Variants in PTCHD4 observed in about 807,000 individuals in gnomAD.
The protein encoded by PTCHD4 is patched domain-containing protein 4.
Under a neutral mutation model 58.1 loss-of-function variants are expected in PTCHD4, and 33 were observed. That is an observed-to-expected ratio of 0.57 (90% CI 0.43 to 0.76). The LOEUF (loss-of-function observed/expected upper bound fraction) is 0.76, where lower values mean the gene tolerates loss of function less well. Among genes scored for constraint, PTCHD4 ranks in the 30% least tolerant of loss-of-function variants. PTCHD4 has a pLI of 0.00. For synonymous variants in PTCHD4, 478 were observed against 409.6 expected (o/e 1.17, Z -2.02); for missense variants, 1,058 against 1,027.1 (o/e 1.03, Z -0.41).
intron 3 of PTCHD4, among the ~76,000 whole-genome samples, chr6:48,049,778 T>G (rs1365261510): frequency 1.3e-5 from 2 of 151,982 alleles, no homozygotes; most frequent in Non-Finnish European, 2.9e-5. Flanking sequence ...TTCATACTGC[T>G]TTGGTAACAC....
intron 4 of PTCHD4, among the ~76,000 whole-genome samples, chr6:47,960,990 G>A (rs1767067320): frequency 6.8e-6 from 1 of 147,010 alleles, no homozygotes; most frequent in Non-Finnish European, 1.5e-5. Flanking sequence ...AAGAGACAGT[G>A]TCTTGCTCTG....
intron 3 of PTCHD4, among the ~76,000 whole-genome samples, chr6:48,025,231 G>T (rs773976988): frequency 6.6e-6 from 1 of 152,112 alleles, no homozygotes; most frequent in Non-Finnish European, 1.5e-5. Context: ...CCCGTGGATG[G>T]TAGATATCTT....
At chr6:47,977,990 C>T (rs1003772497) in intron 4 of PTCHD4, among the ~76,000 whole-genome samples, 25 of 152,244 alleles carry the variant, frequency 1.6e-4, no homozygotes, top group African/African-American at 6.0e-4. Flanking sequence ...AATCCTGTGA[C>T]CTAGGAAACT....
chr6:48,055,227 T>C (rs938951626), intron 3 of PTCHD4, among the ~76,000 whole-genome samples: 1 of 152,084 alleles, frequency 6.6e-6, no homozygotes, highest in African/African-American at 2.4e-5. Context: ...TGCTTATAAG[T>C]TTATGATAAA....
intron 3 of PTCHD4, among the ~76,000 whole-genome samples, chr6:48,066,456 T>C: frequency 6.6e-6 from 1 of 152,010 alleles, no homozygotes; most frequent in East Asian, 1.9e-4. Context: ...CCAACTGAAG[T>C]TTATATATGA....
intron 4 of PTCHD4, among the ~76,000 whole-genome samples, chr6:47,908,950 G>A (rs78808931): frequency 0.013 from 1,923 of 152,088 alleles, 40 homozygotes; most frequent in African/African-American, 0.043. Flanking sequence ...AAGACACAAC[G>A]CTTTGCTCAT....
chr6:47,892,175 G>C (rs1764401119), intron 4 of PTCHD4, among the ~76,000 whole-genome samples: 1 of 152,116 alleles, frequency 6.6e-6, no homozygotes, highest in African/African-American at 2.4e-5. Context: ...AGGCAGAGAA[G>C]AGCAATGAAT....
rs78141965 is a variant in PTCHD4 at position 48,075,284 on chromosome 6, A to G, written c.-969-5358T>C. ...TTCTAATGGTAAAATATCCAACTAT[A>G]TGTTTAACAGTGTAAAAAGAAAGCC... On this transcript the variant is annotated intron_variant, in intron 1 of 4. Transcript: ENST00000339488. Among the ~76,000 whole-genome samples the G allele has an allele frequency of 2.9e-3, 438 of 152,300 alleles. 3 individuals are homozygous for G. Among genetic ancestry groups the G allele is most frequent in the African/African-American group, 1.0e-2 (415 of 41,570 alleles).
At position 47,905,241 on chromosome 6, in the gene PTCHD4, C is replaced by T. The variant is rs553605587; in HGVS notation, c.899-25305G>A. On this transcript the variant is annotated intron_variant, in intron 4 of 4. Coordinates refer to ENST00000339488, the MANE Select transcript of PTCHD4 (RefSeq NM_001384253.1). ...AGTCATTGAAGGATATAGGCAAAAA[C>T]GTGGTAGATTTTACCTTTTATATAC... Among the ~76,000 whole-genome samples the T allele has an allele frequency of 1.2e-4, 19 of 152,140 alleles. No individual in the cohort carries two copies. The South Asian group carries it at 3.9e-3, about 32-fold the overall frequency.
At chr6:47,890,891 C>T in intron 4 of PTCHD4, 7 of 984,408 alleles carry the variant, frequency 7.1e-6, no homozygotes, top group Non-Finnish European at 8.4e-6. Flanking sequence ...TTCTCTGTAC[C>T]TTCCATGCTT....
intron 3 of PTCHD4, among the ~76,000 whole-genome samples, chr6:48,025,731 C>CTGTGTCA (rs1373978968): frequency 2.0e-5 from 3 of 152,152 alleles, no homozygotes; most frequent in Non-Finnish European, 4.4e-5. Context: ...TTTTCAAATG[C>CTGTGTCA]ATATTGCTGT....
At chr6:47,900,402 G>T (rs1363313570) in intron 4 of PTCHD4, 3 of 152,006 alleles carry the variant, frequency 2.0e-5, no homozygotes, top group African/African-American at 7.3e-5. Context: ...TATACTTTTG[G>T]CCACTTGTTT....
chr6:48,007,685 C>T (rs1236118732), intron 4 of PTCHD4, among the ~76,000 whole-genome samples: 1 of 152,152 alleles, frequency 6.6e-6, no homozygotes, highest in Non-Finnish European at 1.5e-5. Context: ...CCTAGCAAGC[C>T]CTAAGATGTC....
intron 4 of PTCHD4, chr6:47,901,562 G>A (rs1764705593): frequency 2.9e-6 from 3 of 1,033,440 alleles, no homozygotes; most frequent in Non-Finnish European, 2.3e-6. Flanking sequence ...TACTTATAAT[G>A]CTTCCATATG....
At chr6:47,970,327 G>A (rs1332968699) in intron 4 of PTCHD4, among the ~76,000 whole-genome samples, 29 of 152,160 alleles carry the variant, frequency 1.9e-4, no homozygotes, top group Admixed American at 1.8e-3. Context: ...AACAAAGTGA[G>A]GAAATAGAAA....
At chr6:47,949,134 A>G (rs1766525291) in intron 4 of PTCHD4, among the ~76,000 whole-genome samples, 1 of 152,234 alleles carries the variant, frequency 6.6e-6, no homozygotes, top group Non-Finnish European at 1.5e-5. Flanking sequence ...GGGATGTCAA[A>G]GTGACGGGGA....
At chr6:47,881,642 T>C (rs1393591495) in intron 4 of PTCHD4, among the ~76,000 whole-genome samples, 1 of 152,164 alleles carries the variant, frequency 6.6e-6, no homozygotes, top group Non-Finnish European at 1.5e-5. Context: ...AAAACCTCTT[T>C]TAAGATGATC....
At chr6:47,887,322 A>T (rs1361684066) in intron 4 of PTCHD4, among the ~76,000 whole-genome samples, 1 of 151,154 alleles carries the variant, frequency 6.6e-6, no homozygotes, top group East Asian at 1.9e-4. Flanking sequence ...TAACTTTAAT[A>T]ATAATAAATG....
intron 4 of PTCHD4, among the ~76,000 whole-genome samples, chr6:47,902,846 A>G (rs1764755432): frequency 6.6e-6 from 1 of 152,240 alleles, no homozygotes; most frequent in African/African-American, 2.4e-5. Context: ...GTGTAAACAT[A>G]CATTCGTATA....
Sources: allele counts gnomAD v4.1 joint callset (sites outside exome capture counted in the v4.1 genomes callset), GRCh38; gene constraint gnomAD v4.1.1; transcripts MANE v1.5; gene names NCBI Gene and HGNC (gene_info 2026-07-23, HGNC 2026-07-21).